CC2D2A: variants seen among roughly 807,000 people sequenced by gnomAD.
CC2D2A encodes coiled-coil and C2 domain-containing protein 2A.
A neutral mutation model predicts 212.9 loss-of-function variants in CC2D2A; 155 were observed. The observed-to-expected ratio is 0.73, with a 90% confidence interval of 0.64 to 0.83. The LOEUF (loss-of-function observed/expected upper bound fraction) is 0.83. Among genes scored for constraint, CC2D2A ranks in the 40% least tolerant of loss-of-function variants. The pLI, the probability that CC2D2A is intolerant of heterozygous loss-of-function variation, is 0.00. For synonymous variants in CC2D2A, 667 were observed against 686.5 expected (o/e 0.97, Z 0.44); for missense variants, 1,856 against 1,956.2 (o/e 0.95, Z 0.97).
intron 11 of CC2D2A, chr4:15,519,748 T>C (rs571642641): frequency 3.7e-4 from 150 of 402,564 alleles, no homozygotes; most frequent in Non-Finnish European, 5.8e-4. Context: ...CAATCAGATC[T>C]CATAAAATTC....
Position 15,587,866 on chromosome 4 carries a change from G to A in CC2D2A, c.4116G>A (p.Leu1372=), listed in dbSNP as rs766991790. The change falls in exon 32 of 37, where the codon TTG becomes TTA. Residue 1372 remains leucine, a synonymous_variant. Transcript: ENST00000424120. ...AGDEEEHAVL[L]CNYFLSLGKK... The stretch of plus-strand genomic sequence containing the variant: ...ATGAAGAAGAACATGCAGTACTATT[G>A]TGTAATTACTTTCTGTCTCTGGGTA... The A allele has an allele frequency of 4.3e-6, 7 of 1,613,438 alleles. No individual in the cohort carries two copies. In the African/African-American group the frequency reaches 6.7e-5, roughly 15 times the overall value.
chr4:15,481,162 A>G (rs1714620696), intron 4 of CC2D2A: 1 of 461,092 alleles, frequency 2.2e-6, no homozygotes. Flanking sequence ...GTTGTCCTCT[A>G]GTAATGAGTG....
chr4:15,587,829 TCCTGG>T lies in CC2D2A; in HGVS notation c.4081_4085del (p.Leu1361ArgfsTer3). On this transcript the variant is annotated frameshift_variant, in exon 32 of 37. Coordinates refer to ENST00000424120, the MANE Select transcript of CC2D2A (RefSeq NM_001378615.1). LOFTEE classifies it high-confidence loss of function. ...TCTTTTTGTCAGCAATTTCTTGATCTCCTGGCAGGGGATGAAGAAGAACATGCAGT... is the reference window on the plus strand; with the variant it reads ...TCTTTTTGTCAGCAATTTCTTGATCTCAGGGGATGAAGAAGAACATGCAGT... 6 of 1,605,586 alleles carry T rather than the reference TCCTGG, an allele frequency of 3.7e-6. No individual in the cohort carries two copies. Among genetic ancestry groups the T allele is most frequent in the Non-Finnish European group, 5.1e-6 (6 of 1,172,298 alleles).
intron 33 of CC2D2A, among the ~76,000 whole-genome samples, chr4:15,594,984 A>C (rs1284107451): frequency 4.6e-5 from 7 of 151,800 alleles, no homozygotes; most frequent in Non-Finnish European, 1.0e-4. Flanking sequence ...AAAAAAAAAA[A>C]ATTTTTTTTT....
At chr4:15,553,384 G>A (rs1403930149) in intron 19 of CC2D2A, 79 bp downstream of exon 19, 2 of 1,467,750 alleles carry the variant, frequency 1.4e-6, no homozygotes, top group South Asian at 1.2e-5. Context: ...AAAGCTTGCA[G>A]TATCATATTC....
intron 5 of CC2D2A, 29 bp downstream of exon 5, chr4:15,502,546 C>T (rs368001493): frequency 1.4e-4 from 224 of 1,554,384 alleles, no homozygotes; most frequent in Non-Finnish European, 1.7e-4. Flanking sequence ...ATATTCTGTT[C>T]AGTGCTGATT....
intron 13 of CC2D2A, among the ~76,000 whole-genome samples, chr4:15,532,124 T>C (rs1000387463): frequency 6.6e-6 from 1 of 152,162 alleles, no homozygotes; most frequent in Non-Finnish European, 1.5e-5. Flanking sequence ...CTGTGTAGTC[T>C]GGTTGCAACA....
intron 22 of CC2D2A, 140 bp downstream of exon 22, chr4:15,559,397 T>C: frequency 1.7e-6 from 1 of 595,198 alleles, no homozygotes. Flanking sequence ...TAAACACAAA[T>C]ATATAATTGA....
At chr4:15,482,384 C>T (rs894551211) in intron 4 of CC2D2A, 1 of 749,104 alleles carries the variant, frequency 1.3e-6, no homozygotes, top group Non-Finnish European at 1.6e-6. Context: ...AAACACCCAA[C>T]ATTTATTTTC....
At chr4:15,504,763 C>T (rs1480774990) in intron 6 of CC2D2A, among the ~76,000 whole-genome samples, 1 of 152,136 alleles carries the variant, frequency 6.6e-6, no homozygotes, top group Non-Finnish European at 1.5e-5. Flanking sequence ...TTGAGGCAAA[C>T]ATCAACTGCT....
At chr4:15,542,557 C>A (rs1718510194) in intron 17 of CC2D2A, among the ~76,000 whole-genome samples, 1 of 152,190 alleles carries the variant, frequency 6.6e-6, no homozygotes, top group African/African-American at 2.4e-5. Flanking sequence ...CAGGTAGCCA[C>A]TACCTATTCC....
intron 11 of CC2D2A, among the ~76,000 whole-genome samples, chr4:15,520,730 T>C (rs2109017679): frequency 6.6e-6 from 1 of 152,324 alleles, no homozygotes. Context: ...GTTCCCCATC[T>C]AGACATAAGC....
chr4:15,584,744 T>C (rs1720790996), intron 30 of CC2D2A, among the ~76,000 whole-genome samples: 1 of 152,202 alleles, frequency 6.6e-6, no homozygotes, highest in Non-Finnish European at 1.5e-5. Context: ...ATTTGCAAGC[T>C]GTGTCTAACA....
chr4:15,587,185 C>T (rs1031594730), intron 31 of CC2D2A, among the ~76,000 whole-genome samples: 10 of 152,218 alleles, frequency 6.6e-5, no homozygotes, highest in African/African-American at 2.4e-4. Context: ...GACCTGGATT[C>T]CTTGCATGTG....
chr4:15,555,218 G>A lies in CC2D2A; in HGVS notation c.2625+8G>A. On this transcript the variant is annotated splice_region_variant and intron_variant, in intron 20 of 36. Transcript: ENST00000424120. ...TTGATGCAGCTTATCTCGGTATGTA[G>A]CAGGAGGCACACATGCCATTTCTTG... The A allele has an allele frequency of 6.2e-7, 1 of 1,611,156 alleles. No individual in the cohort carries two copies. The highest frequency in any genetic ancestry group is 2.2e-5 in the East Asian group (1 of 44,830).
intron 11 of CC2D2A, among the ~76,000 whole-genome samples, chr4:15,521,931 G>A (rs189164187): frequency 7.9e-5 from 12 of 152,302 alleles, no homozygotes; most frequent in Non-Finnish European, 1.5e-4. Flanking sequence ...AGGAGCAGGG[G>A]CTCACACCTG....
At chr4:15,506,177 T>A (rs1313503787) in intron 6 of CC2D2A, among the ~76,000 whole-genome samples, 1 of 152,224 alleles carries the variant, frequency 6.6e-6, no homozygotes, top group Non-Finnish European at 1.5e-5. Flanking sequence ...GTATTATAGT[T>A]CTTTAAAATT....
chr4:15,482,050 T>C lies in CC2D2A; in HGVS notation c.247+1223T>C. On this transcript the variant is annotated intron_variant, in intron 4 of 36. Transcript: ENST00000424120. ...TTCAGGCATTGCTTTTCATGAAAAG[T>C]GGATTAGACAAGAGGAGAAGTGGTT... is the stretch of plus-strand genomic sequence containing the variant. 5 of 985,410 alleles carry C rather than the reference T, an allele frequency of 5.1e-6. No individual in the cohort carries two copies. The African/African-American group carries it at 8.7e-5, about 17-fold the overall frequency. 61.0% of individuals were successfully genotyped at this position (985,410 alleles called of 1,614,324 possible).
Position 15,520,379 on chromosome 4 carries a change from C to A in CC2D2A, c.1149+3623C>A, listed in dbSNP as rs142150365. ...TCTATTTGGTTATATGACAAAAATA[C>A]ATAATACAATTAGTGATCAAAACAA... On this transcript the variant is annotated intron_variant, in intron 11 of 36. Transcript: ENST00000424120. 2.6e-5 allele frequency among the ~76,000 whole-genome samples: 4 copies of A among 152,244 alleles called. No individual in the cohort carries two copies. In the East Asian group the frequency reaches 7.7e-4, roughly 29 times the overall value.
Sources: allele counts gnomAD v4.1 joint callset (sites outside exome capture counted in the v4.1 genomes callset), GRCh38; gene constraint gnomAD v4.1.1; transcripts MANE v1.5; gene names NCBI Gene and HGNC (gene_info 2026-07-23, HGNC 2026-07-21).